AKT3: variants seen among roughly 807,000 people sequenced by gnomAD.
AKT3 encodes the protein AKT serine/threonine kinase 3, also known as RAC-gamma serine/threonine-protein kinase.
AKT3 carries 15 observed loss-of-function variants against 65.3 expected under a neutral mutation model. The observed-to-expected ratio is 0.23, with a 90% CI of 0.15 to 0.35. The LOEUF (loss-of-function observed/expected upper bound fraction) is 0.35. Ranked by LOEUF, AKT3 falls within the 10% of genes least tolerant of loss-of-function variation. The pLI, the probability that AKT3 is intolerant of heterozygous loss-of-function variation, is 1.00. For synonymous variants in AKT3, 206 were observed against 183.8 expected (o/e 1.12, Z -0.98); for missense variants, 243 against 576.5 (o/e 0.42, Z 5.92).
chr1:243,740,979 G>A lies in AKT3; in HGVS notation c.47-45263C>T, dbSNP rs546534441. Among the ~76,000 whole-genome samples, 14 of 152,156 alleles carry A rather than the reference G, an allele frequency of 9.2e-5. No individual in the cohort carries two copies. The South Asian group carries it at 2.9e-3, about 32-fold the overall frequency. On this transcript the variant is annotated intron_variant, in intron 2 of 13. Transcript: ENST00000673466. ...TCTAGGGTATAAAATTTCAGGGGAG[G>A]GGTCTCATCAAATATTTGTTCAAGC... is the stretch of plus-strand genomic sequence containing the variant.
At chr1:243,831,457 CAG>C (rs144483214) in intron 2 of AKT3, among the ~76,000 whole-genome samples, 3,350 of 152,052 alleles carry the variant, frequency 0.022, 113 homozygotes, top group African/African-American at 0.076. Context: ...CTTAAAAAGA[CAG>C]AGGGGAAAAA....
chr1:243,638,778 A>T (rs576607237), intron 5 of AKT3, among the ~76,000 whole-genome samples: 2 of 152,202 alleles, frequency 1.3e-5, no homozygotes, highest in East Asian at 3.9e-4. Context: ...TCTAAAGTAA[A>T]CGTGAGAAAT....
chr1:243,680,411 C>A (rs1276313939), intron 3 of AKT3, among the ~76,000 whole-genome samples: 1 of 151,988 alleles, frequency 6.6e-6, no homozygotes, highest in African/African-American at 2.4e-5. Context: ...CAAACAGGCA[C>A]CCTAGTCTCT....
At chr1:243,758,611 G>T (rs906116579) in intron 2 of AKT3, among the ~76,000 whole-genome samples, 2 of 152,174 alleles carry the variant, frequency 1.3e-5, no homozygotes, top group African/African-American at 4.8e-5. Flanking sequence ...CCTTGGAAGA[G>T]GTAGGGGGAG....
At chr1:243,786,287 T>C (rs1284390571) in intron 2 of AKT3, among the ~76,000 whole-genome samples, 1 of 152,252 alleles carries the variant, frequency 6.6e-6, no homozygotes, top group African/African-American at 2.4e-5. Flanking sequence ...CTCTGGATTA[T>C]AGATATACAC....
chr1:243,556,163 A>G (rs1021043911), intron 10 of AKT3, among the ~76,000 whole-genome samples: 2 of 152,142 alleles, frequency 1.3e-5, no homozygotes, highest in African/African-American at 4.8e-5. Flanking sequence ...CCTAAGACTC[A>G]AGGAGGTTAC....
chr1:243,596,193 T>C (rs944277714), intron 8 of AKT3, among the ~76,000 whole-genome samples: 2 of 152,158 alleles, frequency 1.3e-5, no homozygotes, highest in African/African-American at 4.8e-5. Flanking sequence ...TACACAAACA[T>C]TTCTTGGACA....
At chr1:243,806,637 C>T (rs1002463191) in intron 2 of AKT3, among the ~76,000 whole-genome samples, 8 of 152,024 alleles carry the variant, frequency 5.3e-5, no homozygotes, top group African/African-American at 1.9e-4. Flanking sequence ...AGTGTGATTC[C>T]TTGTACCTTA....
chr1:243,515,061 C>T (rs570967521), intron 12 of AKT3, among the ~76,000 whole-genome samples: 2 of 152,294 alleles, frequency 1.3e-5, no homozygotes, highest in South Asian at 2.1e-4. Flanking sequence ...AGTATGTACT[C>T]TTTATCTGGC....
intron 10 of AKT3, among the ~76,000 whole-genome samples, chr1:243,561,961 G>A (rs1369987930): frequency 6.6e-6 from 1 of 151,964 alleles, no homozygotes; most frequent in East Asian, 1.9e-4. Flanking sequence ...AGGGAGTAAG[G>A]GTATGACAGA....
chr1:243,582,931 T>C (rs532942719), intron 8 of AKT3, among the ~76,000 whole-genome samples: 14 of 147,848 alleles, frequency 9.5e-5, no homozygotes, highest in South Asian at 2.1e-4. Context: ...ACCACACTAA[T>C]GGAAAACAAA....
chr1:243,817,218 C>G (rs569225922), intron 2 of AKT3, among the ~76,000 whole-genome samples: 75 of 152,202 alleles, frequency 4.9e-4, no homozygotes, highest in African/African-American at 1.7e-3. Context: ...AGGAATGACT[C>G]TAGGTGACAT....
intron 6 of AKT3, chr1:243,624,971 A>G: frequency 3.1e-6 from 1 of 317,554 alleles, no homozygotes; most frequent in Non-Finnish European, 6.5e-6. Flanking sequence ...CCACCTGCCT[A>G]GTGACAAAGC....
chr1:243,692,223 G>A (rs1171243983), intron 3 of AKT3, among the ~76,000 whole-genome samples: 1 of 152,084 alleles, frequency 6.6e-6, no homozygotes, highest in East Asian at 1.9e-4. Flanking sequence ...AACTTAGCAA[G>A]AATTTTTTGA....
At chr1:243,610,882 A>T (rs767643072) in intron 8 of AKT3, among the ~76,000 whole-genome samples, 4 of 152,208 alleles carry the variant, frequency 2.6e-5, no homozygotes, top group Non-Finnish European at 4.4e-5. Context: ...GGGCTGTCTC[A>T]TTCTTTCAGA....
Position 243,499,841 on chromosome 1 carries a change from G to C in AKT3, c.*5408C>G. 3 of 1,553,068 alleles carry C rather than the reference G, an allele frequency of 1.9e-6. No individual in the cohort carries two copies. The highest frequency in any genetic ancestry group is 2.2e-5 in the East Asian group (1 of 44,470). On this transcript the variant is annotated 3_prime_UTR_variant, in exon 14 of 14. Transcript: ENST00000673466. The stretch of plus-strand genomic sequence containing the variant: ...TACAAAGAGATATTTACATTCATCT[G>C]GTTTAGACTTAATATGCCACAACGC...
chr1:243,531,069 T>TTCTA (rs748291999), intron 12 of AKT3, among the ~76,000 whole-genome samples: 95 of 152,230 alleles, frequency 6.2e-4, no homozygotes, highest in South Asian at 1.2e-3. Context: ...TGTTCAACCA[T>TTCTA]TCTATCTATC....
At chr1:243,705,905 G>A (rs925939241) in intron 2 of AKT3, among the ~76,000 whole-genome samples, 2 of 152,020 alleles carry the variant, frequency 1.3e-5, no homozygotes, top group African/African-American at 2.4e-5. Flanking sequence ...TCCACACACC[G>A]GATTTAACAC....
intron 6 of AKT3, among the ~76,000 whole-genome samples, chr1:243,635,427 A>C (rs1679904797): frequency 6.6e-6 from 1 of 151,976 alleles, no homozygotes; most frequent in Non-Finnish European, 1.5e-5. Flanking sequence ...AATAAAGATT[A>C]AAGCAAAGAC....
Sources: gnomAD v4.1 joint callset for allele counts (sites outside exome capture counted in the v4.1 genomes callset) on GRCh38, gnomAD v4.1.1 for gene constraint, MANE v1.5 for transcripts, NCBI Gene and HGNC (gene_info 2026-07-23, HGNC 2026-07-21) for gene names.